Variants in MYO1E observed in about 807,000 individuals in gnomAD.
MYO1E encodes the protein unconventional myosin-Ie.
MYO1E carries 68 observed loss-of-function variants against 151.1 expected under a neutral mutation model. That is an observed-to-expected ratio of 0.45 (90% CI 0.37 to 0.55). The LOEUF (loss-of-function observed/expected upper bound fraction) is 0.55, where lower values mean the gene tolerates loss of function less well. Ranked by LOEUF, MYO1E falls within the 20% of genes least tolerant of loss-of-function variation. MYO1E has a pLI of 0.00. For synonymous variants in MYO1E, 601 were observed against 501.7 expected, an observed-to-expected ratio of 1.20 and a Z score of -2.64; for missense variants, 1,363 against 1,389.3, an observed-to-expected ratio of 0.98 and a Z score of 0.30.
intron 18 of MYO1E, 146 bp from the exon 19 acceptor site, chr15:59,178,683 G>C: frequency 9.1e-7 from 1 of 1,098,378 alleles, no homozygotes; most frequent in Non-Finnish European, 1.3e-6. Context: ...CGAAGGCTCA[G>C]GCGTGGACTG....
At chr15:59,139,574 TCTTGTCAAA>T (rs1265705352) in intron 26 of MYO1E, among the ~76,000 whole-genome samples, 2 of 132,658 alleles carry the variant, frequency 1.5e-5, no homozygotes, top group African/African-American at 2.9e-5. Context: ...TCTCATTATT[TCTTGTCAAA>T]CTTCCCTCCC....
chr15:59,243,142 CA>C (rs758792509), intron 4 of MYO1E, among the ~76,000 whole-genome samples: 32 of 130,010 alleles, frequency 2.5e-4, no homozygotes, highest in Non-Finnish European at 4.2e-4. Flanking sequence ...TAGTATTGAA[CA>C]CAACTCTTAT....
intron 1 of MYO1E, among the ~76,000 whole-genome samples, chr15:59,285,929 A>G (rs1444398442): frequency 2.6e-5 from 4 of 152,242 alleles, no homozygotes; most frequent in Non-Finnish European, 5.9e-5. Flanking sequence ...TGGTTTGAAA[A>G]TGATAGTCTC....
At chr15:59,294,099 C>A (rs1003159389) in intron 1 of MYO1E, among the ~76,000 whole-genome samples, 6 of 152,204 alleles carry the variant, frequency 3.9e-5, no homozygotes, top group African/African-American at 1.4e-4. Flanking sequence ...ATACTCAGTT[C>A]CCACTGGAAA....
intron 1 of MYO1E, among the ~76,000 whole-genome samples, chr15:59,300,961 A>G (rs1298963110): frequency 7.2e-6 from 1 of 139,446 alleles, no homozygotes; most frequent in Non-Finnish European, 1.5e-5. Context: ...TCTGCCTCCC[A>G]TGTTCAAGAG....
At chr15:59,207,041 C>A (rs200574046) in intron 14 of MYO1E, 18 of 1,614,080 alleles carry the variant, frequency 1.1e-5, no homozygotes, top group Non-Finnish European at 1.5e-5. Context: ...CGTCAAGCAA[C>A]GCGCATCCCG....
rs2079899875 is a variant in MYO1E, at chr15:59,214,311, T to A, written c.1192A>T (p.Asn398Tyr). ...TTGATACAAAACTGTTCAAAGCCAT[T>A]TTTCTGGAAAAAAAAAGTTATTCAC... ...DIYGFEIFQK[N>Y]GFEQFCINFV... is the part of the protein sequence containing the mutation. Residue 398 changes from asparagine (N) to tyrosine (Y), a missense_variant, in exon 12 of 28, where the codon AAT becomes TAT. By Grantham distance (143) the Asn-to-Tyr change is moderately radical. Coordinates refer to ENST00000288235, the MANE Select transcript of MYO1E (RefSeq NM_004998.4). The A allele has an allele frequency of 6.2e-7, 1 of 1,607,706 alleles. No homozygotes were observed. The highest frequency in any genetic ancestry group is 1.3e-5 in the African/African-American group (1 of 74,894).
At chr15:59,214,382 T>C (rs1437841150) in intron 11 of MYO1E, 68 bp from the exon 12 acceptor site, 1 of 1,189,858 alleles carries the variant, frequency 8.4e-7, no homozygotes, top group East Asian at 2.4e-5. Flanking sequence ...TCTGGAGTGA[T>C]TTATTGAAAT....
chr15:59,153,943 T>G, intron 25 of MYO1E, 152 bp from the exon 26 acceptor site: 1 of 739,446 alleles, frequency 1.4e-6, no homozygotes, highest in Non-Finnish European at 2.3e-6. Flanking sequence ...GCATCACTGC[T>G]AACACATTGT....
chr15:59,207,093 G>C (rs778986327), intron 14 of MYO1E: 2 of 1,614,086 alleles, frequency 1.2e-6, no homozygotes, highest in East Asian at 4.5e-5. Context: ...GCAAGATGGC[G>C]ACTGTGAAGA....
intron 1 of MYO1E, chr15:59,341,324 T>C (rs2080764544): frequency 6.6e-6 from 1 of 152,216 alleles, no homozygotes; most frequent in South Asian, 2.1e-4. Context: ...ACATTTAAAA[T>C]ACACTTCATG....
At chr15:59,233,436 C>T (rs976341146) in intron 5 of MYO1E, among the ~76,000 whole-genome samples, 2 of 151,986 alleles carry the variant, frequency 1.3e-5, no homozygotes, top group Non-Finnish European at 2.9e-5. Context: ...GAAGCCAAGG[C>T]GGGCGGATCA....
At chr15:59,305,008 A>T (rs2080506206) in intron 1 of MYO1E, among the ~76,000 whole-genome samples, 1 of 152,212 alleles carries the variant, frequency 6.6e-6, no homozygotes, top group Non-Finnish European at 1.5e-5. Flanking sequence ...GGCCAACAGG[A>T]AGACAACATG....
chr15:59,256,472 T>C (rs2080194612), intron 3 of MYO1E, 94 bp from the exon 4 acceptor site: 1 of 659,596 alleles, frequency 1.5e-6, no homozygotes, highest in East Asian at 3.3e-5. Flanking sequence ...CTCAATTTCT[T>C]TTCCTGAATT....
chr15:59,146,407 C>G (rs916947808), intron 26 of MYO1E, among the ~76,000 whole-genome samples: 14 of 152,144 alleles, frequency 9.2e-5, no homozygotes, highest in African/African-American at 3.4e-4. Flanking sequence ...CCTCCGCCTC[C>G]CAGATTCAAG....
chr15:59,256,273 C>A lies in MYO1E; in HGVS notation c.332+11G>T. The A allele has an allele frequency of 1.9e-6, 3 of 1,574,930 alleles. No homozygotes were observed. Among genetic ancestry groups the A allele is most frequent in the Non-Finnish European group, 2.6e-6 (3 of 1,144,824 alleles). On this transcript the variant is annotated intron_variant, in intron 4 of 27. Transcript: ENST00000288235. ...ATCTTCCACGCCCACTGATAAGGATCTTCTTCATACCTGATAATGACGCAC... is the reference window on the plus strand; with the variant it reads ...ATCTTCCACGCCCACTGATAAGGATATTCTTCATACCTGATAATGACGCAC...
At chr15:59,197,887 G>T (rs762834668) in intron 16 of MYO1E, among the ~76,000 whole-genome samples, 2 of 152,256 alleles carry the variant, frequency 1.3e-5, no homozygotes, top group African/African-American at 2.4e-5. Context: ...TTTGAAACAG[G>T]GTCTTGCTCT....
In MYO1E at chr15:59,205,414, C is replaced by A; in HGVS notation, c.1602G>T (p.Met534Ile). The A allele has an allele frequency of 6.2e-7, 1 of 1,614,116 alleles. No homozygotes were observed. Among genetic ancestry groups the A allele is most frequent in the Non-Finnish European group, 8.5e-7 (1 of 1,180,008 alleles). ...DVLFMDLIEL[M>I]QSSELPFIKS... ...AACATACTTACAGCTCGCTGCTCTG[C>A]ATAAGCTCGATGAGATCCATAAAAA... The change falls in exon 15 of 28, where the codon ATG becomes ATT. Residue 534 changes from methionine (M) to isoleucine (I), a missense_variant. Met to Ile is a conservative substitution (Grantham distance 10). Coordinates refer to ENST00000288235, the MANE Select transcript of MYO1E (RefSeq NM_004998.4).
At chr15:59,245,264 C>G (rs890508371) in intron 4 of MYO1E, among the ~76,000 whole-genome samples, 1 of 152,188 alleles carries the variant, frequency 6.6e-6, no homozygotes, top group Non-Finnish European at 1.5e-5. Flanking sequence ...GCAAAGAGCA[C>G]GAGAGACCCA....
Sources: allele counts gnomAD v4.1 joint callset (sites outside exome capture counted in the v4.1 genomes callset), GRCh38; gene constraint gnomAD v4.1.1; transcripts MANE v1.5; gene names NCBI Gene and HGNC (gene_info 2026-07-23, HGNC 2026-07-21).